Variants in WWOX observed in about 807,000 individuals in gnomAD.
WWOX encodes WW domain containing oxidoreductase.
Under a neutral mutation model 46.2 loss-of-function variants are expected in WWOX, and 69 were observed. The ratio of observed to expected loss-of-function variants is 1.49; its 90% CI spans 1.23 to 1.82. The LOEUF (loss-of-function observed/expected upper bound fraction) is 1.82, where lower values mean the gene tolerates loss of function less well. Ranked by LOEUF, WWOX falls within the 40% of genes most tolerant of loss-of-function variation. The pLI is 0.00. For missense variants in WWOX, 919 were observed against 542.6 expected (o/e 1.69, Z -6.89); for synonymous variants, 359 against 202.6 (o/e 1.77, Z -6.56).
intron 8 of WWOX, among the ~76,000 whole-genome samples, chr16:78,920,213 G>A (rs1415215623): frequency 1.3e-5 from 2 of 152,290 alleles, no homozygotes; most frequent in Non-Finnish European, 2.9e-5. Flanking sequence ...AGGGGAAAGA[G>A]AAAAGACAAG....
chr16:78,560,882 G>A (rs1385187371), intron 8 of WWOX, among the ~76,000 whole-genome samples: 2 of 151,958 alleles, frequency 1.3e-5, no homozygotes, highest in African/African-American at 4.8e-5. Flanking sequence ...TGCTATTGCT[G>A]TGTAACAAAT....
intron 8 of WWOX, among the ~76,000 whole-genome samples, chr16:78,751,474 T>TATAC (rs2049477118): frequency 6.9e-6 from 1 of 144,730 alleles, no homozygotes; most frequent in South Asian, 2.1e-4. Flanking sequence ...TATATATATA[T>TATAC]ATATATATAT....
chr16:78,571,832 C>T (rs751791913), intron 8 of WWOX, among the ~76,000 whole-genome samples: 14 of 152,170 alleles, frequency 9.2e-5, no homozygotes, highest in Non-Finnish European at 1.9e-4. Flanking sequence ...CGCCACTATA[C>T]TCTAGCCTGG....
At chr16:78,508,026 G>A (rs971183256) in intron 8 of WWOX, among the ~76,000 whole-genome samples, 1 of 151,566 alleles carries the variant, frequency 6.6e-6, no homozygotes, top group African/African-American at 2.4e-5. Context: ...GTGTGTGTGT[G>A]TGACGGAGTC....
intron 5 of WWOX, among the ~76,000 whole-genome samples, chr16:78,376,323 G>A (rs970417307): frequency 6.6e-6 from 1 of 152,192 alleles, no homozygotes; most frequent in Non-Finnish European, 1.5e-5. Context: ...ACATTCTTTA[G>A]TGGAACTACA....
At chr16:79,071,855 A>G (rs552366545) in intron 8 of WWOX, among the ~76,000 whole-genome samples, 1 of 152,376 alleles carries the variant, frequency 6.6e-6, no homozygotes, top group South Asian at 2.1e-4. Flanking sequence ...GACAATGGTC[A>G]GCAGTGTTGC....
intron 6 of WWOX, among the ~76,000 whole-genome samples, chr16:78,402,046 C>A (rs1248214554): frequency 6.6e-6 from 1 of 152,188 alleles, no homozygotes; most frequent in African/African-American, 2.4e-5. Flanking sequence ...TTATTACGTT[C>A]ACAAAGTTAC....
At position 78,178,677 on chromosome 16, in the gene WWOX, C is replaced by G. The variant is rs147373414; in HGVS notation, c.516+14388C>G. On this transcript the variant is annotated intron_variant, in intron 5 of 8. Transcript: ENST00000566780. ...GGTTAGGAGTTCGAGACCAGCCTGG[C>G]AAACATGGTGAAACTGTGTCTACTA... 2.3e-3 allele frequency among the ~76,000 whole-genome samples: 348 copies of G among 152,186 alleles called. 3 individuals are homozygous for G. Among genetic ancestry groups the G allele is most frequent in the African/African-American group, 7.6e-3 (314 of 41,530 alleles).
At chr16:78,570,639 A>C (rs1409091026) in intron 8 of WWOX, among the ~76,000 whole-genome samples, 2 of 152,118 alleles carry the variant, frequency 1.3e-5, no homozygotes, top group Admixed American at 6.6e-5. Flanking sequence ...CCAGCTTCCT[A>C]CTAGAAGCCA....
At chr16:79,120,692 A>C (rs900627684) in intron 8 of WWOX, among the ~76,000 whole-genome samples, 1 of 152,200 alleles carries the variant, frequency 6.6e-6, no homozygotes, top group Admixed American at 6.5e-5. Context: ...ACTGGTGGTC[A>C]CATTACTCTA....
chr16:78,558,012 G>A (rs907735080), intron 8 of WWOX, among the ~76,000 whole-genome samples: 6 of 152,100 alleles, frequency 3.9e-5, no homozygotes, highest in African/African-American at 1.4e-4. Context: ...TTCAGAGCCT[G>A]GAACAGTGCC....
At chr16:78,834,715 G>C (rs1002861170) in intron 8 of WWOX, among the ~76,000 whole-genome samples, 5 of 152,138 alleles carry the variant, frequency 3.3e-5, no homozygotes, top group Admixed American at 6.6e-5. Flanking sequence ...ATAATTTATA[G>C]ATACAGGTAC....
chr16:78,728,954 C>CTT (rs1037715601), intron 8 of WWOX, among the ~76,000 whole-genome samples: 1 of 152,114 alleles, frequency 6.6e-6, no homozygotes, highest in African/African-American at 2.4e-5. Context: ...TTAGGATGGA[C>CTT]TTTATTTCCT....
At chr16:78,587,434 T>C (rs557330345) in intron 8 of WWOX, among the ~76,000 whole-genome samples, 10 of 152,224 alleles carry the variant, frequency 6.6e-5, no homozygotes, top group Admixed American at 5.9e-4. Context: ...TCAGCAACTC[T>C]CTTACAGATT....
chr16:78,773,168 AG>A (rs1265790578), intron 8 of WWOX, among the ~76,000 whole-genome samples: 1 of 152,222 alleles, frequency 6.6e-6, no homozygotes, highest in Non-Finnish European at 1.5e-5. Flanking sequence ...CGGTATCCTA[AG>A]CCGCTAGAAC....
At chr16:78,365,868 T>C (rs1186471413) in intron 5 of WWOX, among the ~76,000 whole-genome samples, 2 of 152,256 alleles carry the variant, frequency 1.3e-5, no homozygotes. Context: ...ATAGTTCTCC[T>C]TTCCTTACAG....
chr16:78,165,011 A>G (rs1357124558), intron 5 of WWOX, among the ~76,000 whole-genome samples: 6 of 152,220 alleles, frequency 3.9e-5, no homozygotes, highest in Non-Finnish European at 2.9e-5. Flanking sequence ...TAGCAGTGAG[A>G]AGAGCATATG....
intron 8 of WWOX, among the ~76,000 whole-genome samples, chr16:79,021,781 G>A (rs566573006): frequency 2.0e-5 from 3 of 152,252 alleles, no homozygotes; most frequent in East Asian, 3.9e-4. Flanking sequence ...TCTTTCTAGG[G>A]TTCCAGCCAC....
intron 8 of WWOX, among the ~76,000 whole-genome samples, chr16:78,712,870 G>T (rs544046856): frequency 6.6e-6 from 1 of 152,048 alleles, no homozygotes; most frequent in Non-Finnish European, 1.5e-5. Flanking sequence ...CCGACTGTGG[G>T]TTCATTTAAT....
Sources: allele counts gnomAD v4.1 joint callset (sites outside exome capture counted in the v4.1 genomes callset), GRCh38; gene constraint gnomAD v4.1.1; transcripts MANE v1.5; gene names NCBI Gene and HGNC (gene_info 2026-07-23, HGNC 2026-07-21).